The following RFX6 variants were observed in gnomAD, a reference collection of about 807,000 sequenced individuals.
RFX6 encodes the protein DNA-binding protein RFX6.
A neutral mutation model predicts 110.8 loss-of-function variants in RFX6; 50 were observed. That is an observed-to-expected ratio of 0.45 (90% CI 0.36 to 0.57). The LOEUF (loss-of-function observed/expected upper bound fraction) is 0.57. RFX6 is among the 20% of genes least tolerant of loss of function. The pLI is 0.00. For synonymous variants in RFX6, 383 were observed against 411.2 expected (o/e 0.93, Z 0.83); for missense variants, 990 against 1,127.0 (o/e 0.88, Z 1.74).
At position 116,922,018 on chromosome 6, in the gene RFX6, CTTTTT is replaced by C; in HGVS notation, c.1328-14_1328-10del. 4.5e-6 allele frequency: 4 copies of C among 883,462 alleles called. No homozygotes were observed. Among genetic ancestry groups the C allele is most frequent in the South Asian group, 1.5e-5 (1 of 68,610 alleles). The allele number at this position is 883,462 out of a possible 1,614,324, so 54.7% of individuals were successfully genotyped here. ...TACAATATTCTGTTTTCTTTTCTTT[CTTTTT>C]TTTTTTTTTCCTGGGTAGATGACTC... On this transcript the variant is annotated intron_variant, in intron 12 of 18. Coordinates refer to ENST00000332958, the MANE Select transcript of RFX6 (RefSeq NM_173560.4).
chr6:116,880,652 G>A lies in RFX6; in HGVS notation c.489G>A (p.Ala163=), dbSNP rs775585977. The A allele has an allele frequency of 4.3e-5, 70 of 1,613,390 alleles. 1 individual carries two copies. The South Asian group carries it at 6.3e-4, about 14-fold the overall frequency. The change falls in exon 3 of 19, where the codon GCG becomes GCA. Residue 163 remains alanine, a synonymous_variant. Transcript: ENST00000332958. ...AAGAGAAATTAGAGCCAGCCTGTGC[G>A]GCCACCTTTGGAAAGGTAAATGACA... is the stretch of plus-strand genomic sequence containing the variant. ...CRKEKLEPAC[A]ATFGKTIRQK... is the part of the protein sequence containing the mutation.
intron 6 of RFX6, among the ~76,000 whole-genome samples, chr6:116,895,868 T>C (rs965495444): frequency 5.3e-5 from 8 of 152,204 alleles, no homozygotes; most frequent in African/African-American, 1.4e-4. Context: ...ATGTGTTGTG[T>C]AGTAAATCTG....
intron 6 of RFX6, among the ~76,000 whole-genome samples, chr6:116,906,220 A>G (rs546023668): frequency 9.2e-5 from 14 of 152,204 alleles, no homozygotes; most frequent in African/African-American, 3.1e-4. Context: ...GTTCTATTCC[A>G]TTGGTTTATG....
intron 4 of RFX6, among the ~76,000 whole-genome samples, chr6:116,887,915 T>C (rs1224092032): frequency 1.3e-5 from 2 of 152,228 alleles, no homozygotes; most frequent in African/African-American, 2.4e-5. Flanking sequence ...AAATAGATTT[T>C]ACACACATGG....
At position 116,927,181 on chromosome 6, in the gene RFX6, A is replaced by G. The variant is rs1320653185; in HGVS notation, c.2040A>G (p.Thr680=). ...PVLSAPSHCS[T]YPEPIYPTLP... The stretch of plus-strand genomic sequence containing the variant: ...TGTCAGCTCCATCACACTGCTCCAC[A>G]TACCCAGAGCCCATTTATCCCACTC... Residue 680 remains threonine (T), a synonymous_variant, in exon 17 of 19, where the codon ACA becomes ACG. Coordinates refer to ENST00000332958, the MANE Select transcript of RFX6 (RefSeq NM_173560.4). 7 of 1,614,016 alleles carry G rather than the reference A, an allele frequency of 4.3e-6. No homozygotes were observed. The highest frequency in any genetic ancestry group is 2.7e-5 in the African/African-American group (2 of 74,934).
chr6:116,924,579 G>A, intron 14 of RFX6, 90 bp from the exon 15 acceptor site: 1 of 1,201,044 alleles, frequency 8.3e-7, no homozygotes, highest in Non-Finnish European at 1.2e-6. Flanking sequence ...TGGTCACAAA[G>A]ATAACTGACT....
In RFX6 at chr6:116,925,602, C is replaced by G. The variant is rs1279387046; in HGVS notation, c.1828C>G (p.Leu610Val). 1 of 1,613,896 alleles carries G rather than the reference C, an allele frequency of 6.2e-7. No individual in the cohort carries two copies. The highest frequency in any genetic ancestry group is 1.1e-5 in the South Asian group (1 of 91,080). The change falls in exon 16 of 19, where the codon CTA (leucine) becomes GTA (valine). Residue 610 changes from leucine to valine, a missense_variant. Physicochemically the swap from Leu to Val is conservative, Grantham distance 32 (BLOSUM62 1). This residue lies in a region of RFX6 where 438 missense variants were observed against 441.9 expected (regional missense o/e 0.99). Transcript: ENST00000332958. ...TCTGCCATCCAGTCAACCTGGAGGCCTAGGCCCTGCTCTGCACCAGTTCCC... is the reference window on the plus strand; with the variant it reads ...TCTGCCATCCAGTCAACCTGGAGGCGTAGGCCCTGCTCTGCACCAGTTCCC... The part of the protein sequence containing the change: ...LPLPSSQPGG[L>V]GPALHQFPAG...
intron 12 of RFX6, 66 bp downstream of exon 12, chr6:116,920,520 G>T: frequency 7.2e-7 from 1 of 1,397,586 alleles, no homozygotes; most frequent in Non-Finnish European, 1.0e-6. Flanking sequence ...CTTGAGCTGG[G>T]TAACTCTGTT....
Position 116,899,334 on chromosome 6 carries a change from AAT to A in RFX6, c.672+4130_672+4131del, listed in dbSNP as rs540572821. ...AGTGGGTAATTAATTTTTGGAGATG[AAT>A]ATGTTACGAGCTTAATCTAGAAGAA... On this transcript the variant is annotated intron_variant, in intron 6 of 18. Transcript: ENST00000332958. 2.6e-3 allele frequency among the ~76,000 whole-genome samples: 403 copies of A among 152,308 alleles called. 2 individuals carry two copies. The highest frequency in any genetic ancestry group is 9.1e-3 in the African/African-American group (380 of 41,582).
chr6:116,896,732 C>T lies in RFX6; in HGVS notation c.672+1525C>T, dbSNP rs76873811. On this transcript the variant is annotated intron_variant, in intron 6 of 18. Coordinates refer to ENST00000332958, the MANE Select transcript of RFX6 (RefSeq NM_173560.4). ...CAAAAAAAAAAAATTGTATTTAGGGCGACCAACCATCGTTGGTGTGCTCAG... is the reference window on the plus strand; with the variant it reads ...CAAAAAAAAAAAATTGTATTTAGGGTGACCAACCATCGTTGGTGTGCTCAG... Among the ~76,000 whole-genome samples the T allele has an allele frequency of 2.3e-3, 346 of 151,934 alleles. 1 individual carries two copies. The highest frequency in any genetic ancestry group is 8.2e-3 in the African/African-American group (338 of 41,446).
At chr6:116,901,489 T>G (rs1775073697) in intron 6 of RFX6, among the ~76,000 whole-genome samples, 1 of 152,128 alleles carries the variant, frequency 6.6e-6, no homozygotes, top group Non-Finnish European at 1.5e-5. Flanking sequence ...AGAATTCAAG[T>G]CAATAATGAA....
At chr6:116,890,144 T>G (rs911511661) in intron 4 of RFX6, among the ~76,000 whole-genome samples, 1 of 152,144 alleles carries the variant, frequency 6.6e-6, no homozygotes, top group African/African-American at 2.4e-5. Context: ...CTTTTGCATC[T>G]TGAGTGTGGA....
chr6:116,898,982 A>T (rs1226909301), intron 6 of RFX6, among the ~76,000 whole-genome samples: 2 of 152,230 alleles, frequency 1.3e-5, no homozygotes. Flanking sequence ...CATCCTTGAG[A>T]GAATTGAAAA....
chr6:116,887,895 T>C (rs1207758600), intron 4 of RFX6, among the ~76,000 whole-genome samples: 3 of 152,218 alleles, frequency 2.0e-5, no homozygotes, highest in Admixed American at 6.5e-5. Context: ...GAGAACATAA[T>C]TGAGCCCACA....
intron 6 of RFX6, among the ~76,000 whole-genome samples, chr6:116,902,322 A>G (rs1412834217): frequency 6.6e-6 from 1 of 151,980 alleles, no homozygotes; most frequent in East Asian, 1.9e-4. Flanking sequence ...TTTTCTCTAT[A>G]TCTTTTAAAA....
intron 2 of RFX6, among the ~76,000 whole-genome samples, chr6:116,878,892 A>G (rs1204317428): frequency 8.4e-5 from 4 of 47,554 alleles, no homozygotes; most frequent in African/African-American, 3.2e-4. Context: ...TATATGCTTG[A>G]ACCCTTTCAA....
In RFX6 at chr6:116,931,545, A is replaced by G; in HGVS notation, c.*39A>G. The G allele has an allele frequency of 7.0e-7, 1 of 1,437,910 alleles. No individual in the cohort carries two copies. Among genetic ancestry groups the G allele is most frequent in the East Asian group, 2.3e-5 (1 of 43,012 alleles). The allele number at this position is 1,437,910 out of a possible 1,614,324, so 89.1% of individuals were successfully genotyped here. A position where few individuals can be genotyped will look rare whatever the true frequency, so the allele number is the denominator to read the frequency against. ...GAGGGGGTGCTAAAACTTTAAAAAA[A>G]ATCTCTACTGTGCAAATATCATTAT... On this transcript the variant is annotated 3_prime_UTR_variant, in exon 19 of 19. Transcript: ENST00000332958.
At chr6:116,906,857 TTTG>T (rs1255185218) in intron 6 of RFX6, among the ~76,000 whole-genome samples, 1 of 119,840 alleles carries the variant, frequency 8.3e-6, no homozygotes, top group East Asian at 2.9e-4. Flanking sequence ...CTTGTGTTTT[TTTG>T]TTTTTTTTTT....
intron 6 of RFX6, among the ~76,000 whole-genome samples, chr6:116,901,106 G>A (rs1420158170): frequency 6.6e-6 from 1 of 152,150 alleles, no homozygotes; most frequent in African/African-American, 2.4e-5. Context: ...TGTGTTAGAT[G>A]ATTTTGCCCT....
Sources: allele counts gnomAD v4.1 joint callset (sites outside exome capture counted in the v4.1 genomes callset), GRCh38; gene constraint gnomAD v4.1.1; regional missense constraint gnomAD v4.1.1; transcripts MANE v1.5; gene names NCBI Gene and HGNC (gene_info 2026-07-23, HGNC 2026-07-21).